Variants in CDH8 observed in about 807,000 individuals in gnomAD.
CDH8 encodes the protein cadherin-8.
In CDH8, 17 loss-of-function variants were observed where a neutral mutation model predicts 68.1. The ratio of observed to expected loss-of-function variants is 0.25; its 90% confidence interval spans 0.17 to 0.37. The LOEUF is 0.37. CDH8 is among the 10% of genes least tolerant of loss of function. The pLI is 1.00. For missense variants in CDH8, 763 were observed against 999.3 expected, an observed-to-expected ratio of 0.76 and a Z score of 3.19; for synonymous variants, 372 against 365.1, an observed-to-expected ratio of 1.02 and a Z score of -0.21.
intron 7 of CDH8, among the ~76,000 whole-genome samples, chr16:61,792,530 G>A (rs1334538272): frequency 1.3e-5 from 2 of 151,936 alleles, no homozygotes; most frequent in African/African-American, 2.4e-5. Context: ...TTTGTACCAA[G>A]CACAGTGCTA....
intron 10 of CDH8, among the ~76,000 whole-genome samples, chr16:61,709,585 A>G (rs1964591146): frequency 6.6e-6 from 1 of 152,082 alleles, no homozygotes; most frequent in East Asian, 1.9e-4. Flanking sequence ...GTTCCCACAG[A>G]GTATGTGTGT....
At chr16:61,899,827 T>C (rs1395812650) in intron 3 of CDH8, among the ~76,000 whole-genome samples, 2 of 79,594 alleles carry the variant, frequency 2.5e-5, no homozygotes, top group African/African-American at 1.2e-4. Context: ...AGGAATGTTA[T>C]AAAGACACAC....
At chr16:61,697,492 G>A (rs913229932) in intron 10 of CDH8, among the ~76,000 whole-genome samples, 4 of 121,638 alleles carry the variant, frequency 3.3e-5, no homozygotes, top group Admixed American at 2.4e-4. Context: ...CACTTTTGGA[G>A]AGTTATTTTT....
intron 10 of CDH8, among the ~76,000 whole-genome samples, chr16:61,701,087 G>A (rs1964420309): frequency 1.3e-5 from 2 of 152,130 alleles, no homozygotes; most frequent in African/African-American, 2.4e-5. Flanking sequence ...TAGAGTTTGG[G>A]CTTTGGGTCA....
In CDH8 at chr16:61,780,619, C is replaced by T. The variant is rs1195595701; in HGVS notation, c.1414+8727G>A. Among the ~76,000 whole-genome samples the T allele has an allele frequency of 7.9e-5, 12 of 152,320 alleles. No homozygotes were observed. The East Asian group carries it at 2.3e-3, about 29-fold the overall frequency. On this transcript the variant is annotated intron_variant, in intron 8 of 11. Transcript: ENST00000577390. Reference sequence around the variant, plus strand: ...TAGAACCTCCCCCTATGGGGTTCTGCTATTCTGAATGGTTTTAAATATTCA... The same window carrying T: ...TAGAACCTCCCCCTATGGGGTTCTGTTATTCTGAATGGTTTTAAATATTCA...
chr16:61,849,760 G>C (rs1369604280), intron 4 of CDH8, among the ~76,000 whole-genome samples: 2 of 152,132 alleles, frequency 1.3e-5, no homozygotes, highest in African/African-American at 4.8e-5. Flanking sequence ...AATGAAAACA[G>C]GTGGTTTGTG....
At chr16:61,887,644 C>T (rs1210808966) in intron 3 of CDH8, among the ~76,000 whole-genome samples, 2 of 152,086 alleles carry the variant, frequency 1.3e-5, no homozygotes, top group African/African-American at 2.4e-5. Flanking sequence ...ATTTAACCTT[C>T]ATTACCTCCT....
intron 3 of CDH8, among the ~76,000 whole-genome samples, chr16:61,866,029 G>A (rs1963246631): frequency 6.6e-6 from 1 of 152,042 alleles, no homozygotes; most frequent in Non-Finnish European, 1.5e-5. Context: ...ACTAGCCTGG[G>A]CAACATGGCC....
intron 10 of CDH8, among the ~76,000 whole-genome samples, chr16:61,699,200 G>T (rs1192482634): frequency 6.6e-6 from 1 of 152,128 alleles, no homozygotes; most frequent in Non-Finnish European, 1.5e-5. Flanking sequence ...TGAGAAGAAA[G>T]GGTCCTGGTA....
chr16:61,735,636 T>C (rs182294144), intron 8 of CDH8, among the ~76,000 whole-genome samples: 1 of 152,280 alleles, frequency 6.6e-6, no homozygotes, highest in African/African-American at 2.4e-5. Context: ...TATCTATATA[T>C]TCATTTATCC....
chr16:61,837,397 T>TA, intron 4 of CDH8, among the ~76,000 whole-genome samples: 1 of 152,214 alleles, frequency 6.6e-6, no homozygotes, highest in East Asian at 1.9e-4. Context: ...GGGTGGCACA[T>TA]AAAATCTTGG....
chr16:61,807,470 G>A lies in CDH8; in HGVS notation c.1277+10009C>T, dbSNP rs189348692. Among the ~76,000 whole-genome samples the A allele has an allele frequency of 2.6e-5, 4 of 151,704 alleles. No homozygotes were observed. In the East Asian group the frequency reaches 7.7e-4, roughly 29 times the overall value. On this transcript the variant is annotated intron_variant, in intron 7 of 11. Transcript: ENST00000577390. ...GTGCACATGTACCCTAAAACTTAAA[G>A]TATAATAAAAAAAACAAAAAACAAA...
intron 8 of CDH8, among the ~76,000 whole-genome samples, chr16:61,740,303 AT>A (rs889265521): frequency 5.3e-5 from 8 of 151,726 alleles, no homozygotes; most frequent in African/African-American, 1.7e-4. Context: ...TTAACATGGA[AT>A]TTTTTTTCAG....
chr16:61,909,225 A>G (rs1277874163), intron 2 of CDH8, among the ~76,000 whole-genome samples: 2 of 152,126 alleles, frequency 1.3e-5, no homozygotes, highest in African/African-American at 4.8e-5. Flanking sequence ...TGACCTGGCC[A>G]TGGGGACCGG....
At position 61,842,153 on chromosome 16, in the gene CDH8, C is replaced by T. The variant is rs1352976475; in HGVS notation, c.667+14966G>A. Among the ~76,000 whole-genome samples, 5 of 151,800 alleles carry T rather than the reference C, an allele frequency of 3.3e-5. No individual in the cohort carries two copies. The East Asian group carries it at 9.8e-4, about 30-fold the overall frequency. On this transcript the variant is annotated intron_variant, in intron 4 of 11. Transcript: ENST00000577390. ...CGATTTCCTGACCTCGTGATCCGCC[C>T]GCCTGGGCCTCCCAAAGTGCTGGCA...
intron 2 of CDH8, among the ~76,000 whole-genome samples, chr16:61,912,288 G>T (rs903881350): frequency 1.3e-5 from 2 of 152,034 alleles, no homozygotes; most frequent in African/African-American, 4.8e-5. Context: ...GGGTGACAAT[G>T]GCACATCATG....
rs553723251 is a variant in CDH8, at chr16:61,812,085, CACAA to C, written c.1277+5390_1277+5393del. On this transcript the variant is annotated intron_variant, in intron 7 of 11. Transcript: ENST00000577390. ...CACACAAACACACCACAAACACACA[CACAA>C]ACAAACATGCTCCTTACAGAAATTG... Among the ~76,000 whole-genome samples, 51 of 152,226 alleles carry C rather than the reference CACAA, an allele frequency of 3.4e-4. 1 individual carries two copies. In the South Asian group the frequency reaches 5.0e-3, roughly 15 times the overall value.
At chr16:61,771,350 T>C (rs550751330) in intron 8 of CDH8, among the ~76,000 whole-genome samples, 2 of 150,958 alleles carry the variant, frequency 1.3e-5, no homozygotes, top group South Asian at 4.2e-4. Flanking sequence ...CAGCAGGAAA[T>C]CAAATGCTGG....
chr16:61,688,053 CA>C (rs2142822290), intron 10 of CDH8, among the ~76,000 whole-genome samples: 2 of 152,118 alleles, frequency 1.3e-5, no homozygotes, highest in Non-Finnish European at 2.9e-5. Context: ...TTTCTCTCTG[CA>C]TCCAGAATTT....
Sources: allele counts gnomAD v4.1 joint callset (sites outside exome capture counted in the v4.1 genomes callset), GRCh38; gene constraint gnomAD v4.1.1; transcripts MANE v1.5; gene names NCBI Gene and HGNC (gene_info 2026-07-23, HGNC 2026-07-21).